The following PABPC4 variants were observed in gnomAD, a reference collection of about 807,000 sequenced individuals.
The protein encoded by PABPC4 is poly(A) binding protein cytoplasmic 4.
Under a neutral mutation model 74.5 loss-of-function variants are expected in PABPC4, and 15 were observed. The observed-to-expected ratio is 0.20, with a 90% CI of 0.13 to 0.31. The LOEUF is 0.31. Ranked by LOEUF, PABPC4 falls within the 10% of genes least tolerant of loss-of-function variation. The pLI is 1.00. For synonymous variants in PABPC4, 345 were observed against 303.0 expected (o/e 1.14, Z -1.44); for missense variants, 610 against 853.5 (o/e 0.71, Z 3.55).
intron 6 of PABPC4, chr1:39,568,572 G>A (rs186782438): frequency 4.5e-6 from 2 of 444,484 alleles, no homozygotes; most frequent in Non-Finnish European, 7.8e-6. Flanking sequence ...AACAGGCTGA[G>A]GCTTCCAAAA....
rs1288863642 is a variant in PABPC4, at chr1:39,576,001, GCC to G, written c.-52_-51del. 1.5e-6 allele frequency: 2 copies of G among 1,306,600 alleles called. No homozygotes were observed. Among genetic ancestry groups the G allele is most frequent in the Non-Finnish European group, 2.0e-6 (2 of 981,124 alleles). The allele number at this position is 1,306,600 out of a possible 1,614,324, so 80.9% of individuals were successfully genotyped here. A position where few individuals can be genotyped will look rare whatever the true frequency, so the allele number is the denominator to read the frequency against. Reference sequence around the variant, plus strand: ...CCCCGCCAGGAGGACTTCTTATCGGGCCCGCCGCAGGACAAAGGGGCGCCTTC... The same window carrying G: ...CCCCGCCAGGAGGACTTCTTATCGGGCGCCGCAGGACAAAGGGGCGCCTTC... On this transcript the variant is annotated 5_prime_UTR_variant, in exon 1 of 16. Coordinates refer to ENST00000372858, the MANE Select transcript of PABPC4 (RefSeq NM_001135653.2).
Position 39,569,616 on chromosome 1 carries a change from T to C in PABPC4, c.717A>G (p.Glu239=). 6.2e-7 allele frequency: 1 copy of C among 1,614,084 alleles called. No homozygotes were observed. The highest frequency in any genetic ancestry group is 8.5e-7 in the Non-Finnish European group (1 of 1,179,908). The change falls in exon 5 of 16, where the codon GAA becomes GAG. Residue 239 remains glutamate, a synonymous_variant. Coordinates refer to ENST00000372858, the MANE Select transcript of PABPC4 (RefSeq NM_001135653.2). ...KSKGFGFVSY[E]KHEDANKAVE... is the part of the protein sequence containing the mutation. ...TCACCTTATTGGCATCCTCGTGTTTTTCGTAACTCACAAAGCCAAAGCCTT... is the reference window on the plus strand; with the variant it reads ...TCACCTTATTGGCATCCTCGTGTTTCTCGTAACTCACAAAGCCAAAGCCTT...
chr1:39,571,180 G>A (rs559047936), intron 3 of PABPC4, 54 bp downstream of exon 3: 6 of 1,611,676 alleles, frequency 3.7e-6, no homozygotes, highest in East Asian at 2.2e-5. Flanking sequence ...TAATAGCGAG[G>A]TGGGGCCACG....
intron 10 of PABPC4, 68 bp downstream of exon 10, chr1:39,564,355 C>A: frequency 6.3e-7 from 1 of 1,581,190 alleles, no homozygotes; most frequent in South Asian, 1.2e-5. Context: ...CTGACCAACC[C>A]AGGACAGAGC....
Position 39,563,696 on chromosome 1 carries a change from G to GC in PABPC4, c.1585dup (p.Ala529GlyfsTer89). The GC allele has an allele frequency of 6.2e-7, 1 of 1,614,276 alleles. No homozygotes were observed. The highest frequency in any genetic ancestry group is 8.5e-7 in the Non-Finnish European group (1 of 1,180,044). ...GGCAACAGCCCGGGGAGCAGCAGCA[G>GC]CAACAGCAGCGCGTGGCGCTAAGTT... On this transcript the variant is annotated frameshift_variant, in exon 12 of 16. Coordinates refer to ENST00000372858, the MANE Select transcript of PABPC4 (RefSeq NM_001135653.2). LOFTEE classifies it high-confidence loss of function.
rs955854062 is a variant in PABPC4, at chr1:39,572,719, G to A, written c.194-133C>T. On this transcript the variant is annotated intron_variant, in intron 1 of 15. Transcript: ENST00000372858. ...AAAAGGCAACTCTATTAAAATAAAA[G>A]GGCATCAGATTCCTCCAGCCTGCAC... 1.1e-5 allele frequency: 7 copies of A among 627,094 alleles called. No homozygotes were observed. In the East Asian group the frequency reaches 1.6e-4, roughly 14 times the overall value. 38.8% of individuals were successfully genotyped at this position (627,094 alleles called of 1,614,324 possible).
intron 6 of PABPC4, 84 bp downstream of exon 6, chr1:39,568,718 A>G (rs1460624439): frequency 4.4e-6 from 6 of 1,377,284 alleles, no homozygotes; most frequent in African/African-American, 1.4e-5. Flanking sequence ...CAAGTCCTCA[A>G]AAAGAAAGCC....
At position 39,562,092 on chromosome 1, in the gene PABPC4, G is replaced by C. The variant is rs757732034; in HGVS notation, c.1874C>G (p.Pro625Arg). Residue 625 changes from proline (P) to arginine (R), a missense_variant, in exon 14 of 16, where the codon CCC (proline) becomes CGC (arginine). Transcript: ENST00000372858. ...GCTCACCTTGGAGCGGAGAGACTCG[G>C]GGGACTCTAACATGTGCAGCAGCTC... is the stretch of plus-strand genomic sequence containing the variant. ...NSELLHMLES[P>R]ESLRSKVDEA... is the part of the protein sequence containing the mutation. The C allele has an allele frequency of 6.2e-7, 1 of 1,613,226 alleles. No individual in the cohort carries two copies. Among genetic ancestry groups the C allele is most frequent in the Non-Finnish European group, 8.5e-7 (1 of 1,180,014 alleles).
intron 10 of PABPC4, 199 bp from the exon 11 acceptor site, chr1:39,564,121 T>A (rs972721116): frequency 1.6e-6 from 1 of 615,136 alleles, no homozygotes; most frequent in Admixed American, 3.0e-5. Flanking sequence ...ATACACTGTT[T>A]CCTTGTATTC....
Position 39,575,793 on chromosome 1 carries a change from G to A in PABPC4, c.159C>T (p.Gly53=), listed in dbSNP as rs760228695. The A allele has an allele frequency of 1.2e-6, 2 of 1,609,444 alleles. No individual in the cohort carries two copies. The highest frequency in any genetic ancestry group is 1.7e-6 in the Non-Finnish European group (2 of 1,177,988). Residue 53 remains glycine, a synonymous_variant, in exon 1 of 16, where the codon GGC becomes GGT. Coordinates refer to ENST00000372858, the MANE Select transcript of PABPC4 (RefSeq NM_001135653.2). ...CRDMITRRSL[G]YAYVNFQQPA... ...GCTGCTGGAAGTTGACGTAGGCATA[G>A]CCCAGGGAGCGGCGGGTGATCATAT... is the stretch of plus-strand genomic sequence containing the variant.
rs190015735 is a variant in PABPC4, at chr1:39,567,038, G to A, written c.972+713C>T. 2.0e-5 allele frequency among the ~76,000 whole-genome samples: 3 copies of A among 152,248 alleles called. No individual in the cohort carries two copies. In the East Asian group the frequency reaches 5.8e-4, roughly 29 times the overall value. ...GGATTTTGTGGCATCTGGTACACCT[G>A]TTTAGCAAGACCGGCGTCTGCATCC... is the stretch of plus-strand genomic sequence containing the variant. On this transcript the variant is annotated intron_variant, in intron 7 of 15. Coordinates refer to ENST00000372858, the MANE Select transcript of PABPC4 (RefSeq NM_001135653.2).
At chr1:39,571,000 G>C in intron 3 of PABPC4, 1 of 1,328,000 alleles carries the variant, frequency 7.5e-7, no homozygotes, top group Admixed American at 2.9e-5. Flanking sequence ...ACAGACAGAT[G>C]CCTTTAAGGG....
At chr1:39,567,909 T>C in intron 6 of PABPC4, 63 bp from the exon 7 acceptor site, 1 of 984,740 alleles carries the variant, frequency 1.0e-6, no homozygotes, top group Non-Finnish European at 1.6e-6. Flanking sequence ...AAGAAAGTGG[T>C]TCCCCAAGGG....
At position 39,575,793 on chromosome 1, in the gene PABPC4, G is replaced by T. The variant is rs760228695; in HGVS notation, c.159C>A (p.Gly53=). 1.4e-5 allele frequency: 23 copies of T among 1,609,326 alleles called. No homozygotes were observed. The East Asian group carries it at 4.3e-4, about 30-fold the overall frequency. The part of the protein sequence containing the change: ...CRDMITRRSL[G]YAYVNFQQPA... Reference sequence around the variant, plus strand: ...GCTGCTGGAAGTTGACGTAGGCATAGCCCAGGGAGCGGCGGGTGATCATAT... The same window carrying T: ...GCTGCTGGAAGTTGACGTAGGCATATCCCAGGGAGCGGCGGGTGATCATAT... The change falls in exon 1 of 16, where the codon GGC becomes GGA. Residue 53 remains glycine, a synonymous_variant. Transcript: ENST00000372858.
chr1:39,563,762 A>C (rs758320625), intron 11 of PABPC4, 21 bp from the exon 12 acceptor site: 1 of 1,613,774 alleles, frequency 6.2e-7, no homozygotes, highest in Non-Finnish European at 8.5e-7. Flanking sequence ...GAACAAATAC[A>C]ATTAAAGCCC....
At position 39,561,791 on chromosome 1, in the gene PABPC4, C is replaced by T. The variant is rs569415644; in HGVS notation, c.1894-4G>A. 1.5e-5 allele frequency: 24 copies of T among 1,612,466 alleles called. 1 individual carries two copies. Among genetic ancestry groups the T allele is most frequent in the Middle Eastern group, 3.3e-4 (2 of 6,054 alleles). ...GAACTGCTACAGCTTCATCCACCTG[C>T]GAGAAATCTTCAGGTGGTCAGTGAA... On this transcript the variant is annotated splice_polypyrimidine_tract_variant and splice_region_variant and intron_variant, in intron 14 of 15. Coordinates refer to ENST00000372858, the MANE Select transcript of PABPC4 (RefSeq NM_001135653.2).
intron 3 of PABPC4, 195 bp downstream of exon 3, chr1:39,571,039 C>G: frequency 6.9e-7 from 1 of 1,457,018 alleles, no homozygotes; most frequent in Non-Finnish European, 9.0e-7. Context: ...ATGGCTTGGG[C>G]AGGAAGCCCA....
rs1646030313 is a variant in PABPC4 at position 39,576,615 on chromosome 1, C to T, written c.-664G>A. The T allele has an allele frequency of 1.3e-5, 2 of 148,914 alleles. No homozygotes were observed. The highest frequency in any genetic ancestry group is 4.9e-5 in the African/African-American group (2 of 40,938). The allele number at this position is 148,914 out of a possible 1,614,324, so 9.2% of individuals were successfully genotyped here. On this transcript the variant is annotated 5_prime_UTR_variant, in exon 1 of 16. Transcript: ENST00000372858. ...CTGCGGCGGCGGGCGCGGGGCAGGC[C>T]GGAAGCGTACGAAAGTGACTTCCCC...
Position 39,576,510 on chromosome 1 carries a change from C to T in PABPC4, c.-559G>A, listed in dbSNP as rs1024429311. 9.4e-5 allele frequency: 14 copies of T among 149,644 alleles called. No individual in the cohort carries two copies. Among genetic ancestry groups the T allele is most frequent in the African/African-American group, 2.9e-4 (12 of 40,908 alleles). 9.3% of individuals were successfully genotyped at this position (149,644 alleles called of 1,614,324 possible). ...AGGCGCGGGGCGCGGGGCTCGGGGC[C>T]CGAGCGGGGGGAGGGCACGGCGGGC... On this transcript the variant is annotated 5_prime_UTR_variant, in exon 1 of 16. Coordinates refer to ENST00000372858, the MANE Select transcript of PABPC4 (RefSeq NM_001135653.2).
Sources: gnomAD v4.1 joint callset for allele counts (sites outside exome capture counted in the v4.1 genomes callset) on GRCh38, gnomAD v4.1.1 for gene constraint, MANE v1.5 for transcripts, NCBI Gene and HGNC (gene_info 2026-07-23, HGNC 2026-07-21) for gene names.